The following RB1CC1 variants were observed in gnomAD, a reference collection of about 807,000 sequenced individuals.
RB1CC1 encodes RB1 inducible coiled-coil 1, also known as RB1-inducible coiled-coil protein 1.
A neutral mutation model predicts 177.5 loss-of-function variants in RB1CC1; 46 were observed. That is an observed-to-expected ratio of 0.26 (90% CI 0.20 to 0.33). The LOEUF (loss-of-function observed/expected upper bound fraction) is 0.33, where lower values mean the gene tolerates loss of function less well. Among genes scored for constraint, RB1CC1 ranks in the 10% least tolerant of loss-of-function variants. The pLI is 1.00. For synonymous variants in RB1CC1, 666 were observed against 613.6 expected (o/e 1.09, Z -1.26); for missense variants, 1,703 against 1,816.3 (o/e 0.94, Z 1.13).
rs1855693493 is a variant in RB1CC1, at chr8:52,698,669, G to GTTTTTTTTTT, written c.-166-11703_-166-11702insAAAAAAAAAA. On this transcript the variant is annotated intron_variant, in intron 1 of 23. Transcript: ENST00000025008. The stretch of plus-strand genomic sequence containing the variant: ...AACAAAAACTGTATATGTAATGGTT[G>GTTTTTTTTTT]GTTTTTTTTTTTTTTTTTTTTTTTT... 1.3e-3 allele frequency among the ~76,000 whole-genome samples: 30 copies of GTTTTTTTTTT among 22,770 alleles called. 15 individuals carry two copies. Among genetic ancestry groups the GTTTTTTTTTT allele is most frequent in the Non-Finnish European group, 1.5e-3 (16 of 10,598 alleles). 14.9% of individuals were successfully genotyped at this position (22,770 alleles called of 152,430 possible).
At chr8:52,674,310 G>C in intron 6 of RB1CC1, 36 bp from the exon 7 acceptor site, 1 of 1,502,484 alleles carries the variant, frequency 6.7e-7, no homozygotes, top group South Asian at 1.2e-5. Flanking sequence ...AAAACTATGA[G>C]ACTGCTCTAA....
In RB1CC1 at chr8:52,630,496, C is replaced by A; in HGVS notation, c.4473G>T (p.Arg1491Ser). Residue 1491 changes from arginine (R) to serine (S), a missense_variant, in exon 21 of 24, where the codon AGG becomes AGT. Physicochemically the swap from Arg to Ser is moderately radical, Grantham distance 110. Transcript: ENST00000025008. The part of the protein sequence containing the change: ...MSQSMSSVSS[R>S]HSEKIAIRDF... ...CTCTAATAGCTATCTTTTCAGAATG[C>A]CTTGAAGATACTGAAGACATGCTCT... is the stretch of plus-strand genomic sequence containing the variant. 1 of 1,582,534 alleles carries A rather than the reference C, an allele frequency of 6.3e-7. No homozygotes were observed. Among genetic ancestry groups the A allele is most frequent in the African/African-American group, 1.4e-5 (1 of 72,748 alleles).
intron 15 of RB1CC1, among the ~76,000 whole-genome samples, chr8:52,653,339 C>T (rs1165628402): frequency 6.6e-6 from 1 of 152,150 alleles, no homozygotes; most frequent in Non-Finnish European, 1.5e-5. Flanking sequence ...AGTGGCACTT[C>T]ACCACCAGAA....
At chr8:52,626,391 T>C (rs1331218319) in intron 22 of RB1CC1, among the ~76,000 whole-genome samples, 7 of 152,166 alleles carry the variant, frequency 4.6e-5, no homozygotes, top group African/African-American at 7.2e-5. Flanking sequence ...AAAATGAACA[T>C]GGAAATGTTG....
At chr8:52,641,960 AAAT>A (rs140961129) in intron 18 of RB1CC1, among the ~76,000 whole-genome samples, 21,639 of 151,742 alleles carry the variant, frequency 0.14, 2,126 homozygotes, top group East Asian at 0.34. Context: ...ATGAATAAAC[AAAT>A]AATAATAATA....
chr8:52,675,766 A>G lies in RB1CC1; in HGVS notation c.572+603T>C, dbSNP rs1853061833. 2.0e-5 allele frequency among the ~76,000 whole-genome samples: 3 copies of G among 150,552 alleles called. No homozygotes were observed. In the South Asian group the frequency reaches 6.3e-4, roughly 32 times the overall value. On this transcript the variant is annotated intron_variant, in intron 6 of 23. Coordinates refer to ENST00000025008, the MANE Select transcript of RB1CC1 (RefSeq NM_014781.5). ...GCTGAGCGTGGTGGCGGGCACCTGT[A>G]GTCCCAGCTACTTGGGAGGCTGAGG...
At chr8:52,700,790 T>C (rs1855977551) in intron 1 of RB1CC1, among the ~76,000 whole-genome samples, 1 of 152,200 alleles carries the variant, frequency 6.6e-6, no homozygotes, top group African/African-American at 2.4e-5. Flanking sequence ...TAAACATGTA[T>C]ACACAAAAAC....
At position 52,653,765 on chromosome 8, in the gene RB1CC1, A is replaced by T. The variant is rs1850841731; in HGVS notation, c.3821+2243T>A. ...ATTATATTTACCAGCTGAATATCTC[A>T]AATGTTGAAAATCCAAAATCCAAAA... On this transcript the variant is annotated intron_variant, in intron 15 of 23. Transcript: ENST00000025008. 2.6e-5 allele frequency among the ~76,000 whole-genome samples: 4 copies of T among 152,200 alleles called. No individual in the cohort carries two copies. The South Asian group carries it at 8.3e-4, about 31-fold the overall frequency.
intron 20 of RB1CC1, among the ~76,000 whole-genome samples, chr8:52,633,517 T>G (rs1057495775): frequency 6.6e-6 from 1 of 152,212 alleles, no homozygotes. Flanking sequence ...CTACAAAATA[T>G]GTGATTTTTG....
intron 3 of RB1CC1, among the ~76,000 whole-genome samples, chr8:52,685,059 G>A (rs1399198688): frequency 6.8e-6 from 1 of 147,600 alleles, no homozygotes; most frequent in Non-Finnish European, 1.5e-5. Flanking sequence ...CTGGAGTGCA[G>A]TGGTGCGATC....
chr8:52,667,442 T>C (rs1285599850), intron 8 of RB1CC1, among the ~76,000 whole-genome samples: 1 of 152,140 alleles, frequency 6.6e-6, no homozygotes, highest in African/African-American at 2.4e-5. Flanking sequence ...CAGCTATGGG[T>C]GGTTTTGCCA....
intron 1 of RB1CC1, among the ~76,000 whole-genome samples, chr8:52,692,983 A>T (rs1430848313): frequency 4.6e-5 from 7 of 152,172 alleles, no homozygotes; most frequent in Admixed American, 3.3e-4. Flanking sequence ...ACCTACAACC[A>T]CCTGATCTTC....
intron 1 of RB1CC1, among the ~76,000 whole-genome samples, chr8:52,696,055 T>A (rs1012410829): frequency 1.3e-5 from 2 of 152,200 alleles, no homozygotes; most frequent in Non-Finnish European, 2.9e-5. Context: ...ATGGTTTTTT[T>A]GTTTTTCAGA....
At position 52,673,899 on chromosome 8, in the gene RB1CC1, A is replaced by G. The variant is rs1230138004; in HGVS notation, c.948T>C (p.Asp316=). ...VSLLDWINVQ[D]RPNDVESLVR... is the part of the protein sequence containing the mutation. ...CCAAAGATTCCACATCATTAGGTCT[A>G]TCTTGAACATTTATCCAGTCTAACA... is the stretch of plus-strand genomic sequence containing the variant. Residue 316 remains aspartate, a synonymous_variant, in exon 7 of 24, where the codon GAT becomes GAC. Transcript: ENST00000025008. The G allele has an allele frequency of 6.2e-7, 1 of 1,614,046 alleles. No homozygotes were observed. Among genetic ancestry groups the G allele is most frequent in the East Asian group, 2.2e-5 (1 of 44,872 alleles).
At chr8:52,670,708 C>G (rs569426433) in intron 7 of RB1CC1, among the ~76,000 whole-genome samples, 1 of 152,112 alleles carries the variant, frequency 6.6e-6, no homozygotes, top group African/African-American at 2.4e-5. Context: ...ATCTTAAGGC[C>G]GGGTGCAGTG....
chr8:52,687,236 G>A (rs1431239300), intron 1 of RB1CC1, among the ~76,000 whole-genome samples: 1 of 152,126 alleles, frequency 6.6e-6, no homozygotes, highest in Admixed American at 6.5e-5. Context: ...GAAGTATCCA[G>A]GCAGTGGAGT....
chr8:52,703,177 C>T (rs573453838), intron 1 of RB1CC1, among the ~76,000 whole-genome samples: 2 of 151,994 alleles, frequency 1.3e-5, no homozygotes, highest in South Asian at 4.2e-4. Context: ...TGAATAAGTA[C>T]TCCTTGGTTC....
chr8:52,694,993 A>G (rs979595631), intron 1 of RB1CC1, among the ~76,000 whole-genome samples: 1 of 152,262 alleles, frequency 6.6e-6, no homozygotes, highest in Admixed American at 6.5e-5. Context: ...CTATAAATTA[A>G]TAAGAAAATC....
chr8:52,687,476 T>C (rs543675991), intron 1 of RB1CC1, among the ~76,000 whole-genome samples: 6 of 152,254 alleles, frequency 3.9e-5, no homozygotes, highest in African/African-American at 7.2e-5. Flanking sequence ...CAAAAAAATA[T>C]TGCAAAAATG....
Sources: gnomAD v4.1 joint callset for allele counts (sites outside exome capture counted in the v4.1 genomes callset) on GRCh38, gnomAD v4.1.1 for gene constraint, MANE v1.5 for transcripts, NCBI Gene and HGNC (gene_info 2026-07-23, HGNC 2026-07-21) for gene names.